Variants in PREX1 observed in about 807,000 individuals in gnomAD.
PREX1 encodes the protein phosphatidylinositol 3,4,5-trisphosphate-dependent Rac exchanger 1 protein.
PREX1 carries 41 observed loss-of-function variants against 198.3 expected under a neutral mutation model. The ratio of observed to expected loss-of-function variants is 0.21; its 90% CI spans 0.16 to 0.27. The LOEUF (loss-of-function observed/expected upper bound fraction) is 0.27. PREX1 is among the 10% of genes least tolerant of loss of function. PREX1 has a pLI of 1.00. For missense variants in PREX1, 1,620 were observed against 2,200.7 expected, an observed-to-expected ratio of 0.74 and a Z score of 5.28; for synonymous variants, 843 against 887.2, an observed-to-expected ratio of 0.95 and a Z score of 0.89.
chr20:48,716,294 C>T (rs746043954), intron 5 of PREX1, among the ~76,000 whole-genome samples: 5 of 152,216 alleles, frequency 3.3e-5, no homozygotes, highest in Non-Finnish European at 5.9e-5. Context: ...GATGCCTCAC[C>T]TCCCTCTCGC....
At position 48,651,436 on chromosome 20, in the gene PREX1, T is replaced by C. The variant is rs1447716919; in HGVS notation, c.2615A>G (p.Lys872Arg). Residue 872 changes from lysine to arginine, a missense_variant, in exon 22 of 40, where the codon AAG (lysine) becomes AGG (arginine). By Grantham distance (26) the Lys-to-Arg change is conservative. Coordinates refer to ENST00000371941, the MANE Select transcript of PREX1 (RefSeq NM_020820.4). ...TAGVRCHVLE[K>R]IVEPRGCFGL... ...GAAGCAGCCGCGGGGCTCCACGATC[T>C]TCTCCAGCACATGGCACCTGACGCC... is the stretch of plus-strand genomic sequence containing the variant. The C allele has an allele frequency of 6.2e-7, 1 of 1,613,146 alleles. No individual in the cohort carries two copies. Among genetic ancestry groups the C allele is most frequent in the Admixed American group, 1.7e-5 (1 of 60,002 alleles).
intron 1 of PREX1, among the ~76,000 whole-genome samples, chr20:48,773,601 G>A (rs892200801): frequency 6.6e-6 from 1 of 152,198 alleles, no homozygotes; most frequent in Non-Finnish European, 1.5e-5. Context: ...CAGACAGCAG[G>A]AATACCACCT....
At position 48,639,795 on chromosome 20, in the gene PREX1, A is replaced by G. The variant is rs771026859; in HGVS notation, c.3875T>C (p.Leu1292Pro). Residue 1292 changes from leucine (L) to proline (P), a missense_variant, in exon 30 of 40, where the codon CTG becomes CCG. Coordinates refer to ENST00000371941, the MANE Select transcript of PREX1 (RefSeq NM_020820.4). Reference protein sequence around the residue: ...PWNLPNSIKTLVDNIQRYVED... With the variant: ...PWNLPNSIKTPVDNIQRYVED... The stretch of plus-strand genomic sequence containing the variant: ...CACATATCTCTGAATGTTGTCCACC[A>G]GGGTCTTGATGGAGTTGGGGAGGTT... 1.2e-6 allele frequency: 2 copies of G among 1,614,040 alleles called. No individual in the cohort carries two copies. Among genetic ancestry groups the G allele is most frequent in the Non-Finnish European group, 1.7e-6 (2 of 1,179,974 alleles).
chr20:48,698,074 T>A (rs1244017830), intron 7 of PREX1, among the ~76,000 whole-genome samples: 1 of 152,138 alleles, frequency 6.6e-6, no homozygotes, highest in East Asian at 1.9e-4. Context: ...TGGCTCTCCA[T>A]CCAGAGGCAG....
chr20:48,730,246 C>G (rs1413451880), intron 4 of PREX1, among the ~76,000 whole-genome samples: 1 of 152,050 alleles, frequency 6.6e-6, no homozygotes, highest in Non-Finnish European at 1.5e-5. Context: ...TAAAGGGGGG[C>G]CTTTCACCAT....
At chr20:48,839,570 G>A in the PREX1 span, among the ~76,000 whole-genome samples, 1 of 152,148 alleles carries the variant, frequency 6.6e-6, no homozygotes, top group Non-Finnish European at 1.5e-5. Flanking sequence ...GTTGCTCTTT[G>A]TAGATACAAC....
At chr20:48,727,064 G>A (rs1398019146) in intron 4 of PREX1, among the ~76,000 whole-genome samples, 1 of 152,216 alleles carries the variant, frequency 6.6e-6, no homozygotes, top group Non-Finnish European at 1.5e-5. Context: ...ACTATGCGCT[G>A]TTTATGGAGA....
intron 39 of PREX1, among the ~76,000 whole-genome samples, chr20:48,627,165 T>A (rs1441738886): frequency 7.2e-6 from 1 of 139,236 alleles, no homozygotes; most frequent in Non-Finnish European, 1.5e-5. Context: ...CACCCCAGGT[T>A]AAAGCGAGCC....
chr20:48,792,757 G>T (rs1221632557), intron 1 of PREX1, among the ~76,000 whole-genome samples: 1 of 138,846 alleles, frequency 7.2e-6, no homozygotes, highest in East Asian at 2.2e-4. Context: ...CCATAAAAAA[G>T]GAATGAAATT....
At chr20:48,634,842 T>C (rs962522293) in intron 32 of PREX1, 67 bp from the exon 33 acceptor site, 78 of 1,431,662 alleles carry the variant, frequency 5.4e-5, no homozygotes, top group Non-Finnish European at 7.6e-5. Context: ...CCTATCAAGA[T>C]GCTGAATTCA....
intron 19 of PREX1, 148 bp downstream of exon 19, chr20:48,655,142 G>C (rs977660617): frequency 2.4e-6 from 2 of 844,404 alleles, no homozygotes; most frequent in Non-Finnish European, 3.6e-6. Context: ...ATTTGTGTTT[G>C]CAAGTCTTGG....
the PREX1 span, among the ~76,000 whole-genome samples, chr20:48,876,803 C>T: frequency 6.6e-6 from 1 of 152,138 alleles, no homozygotes; most frequent in Non-Finnish European, 1.5e-5. Context: ...GGGTCTTTAT[C>T]TATTTCCATC....
At chr20:48,713,751 A>G (rs371981281) in intron 5 of PREX1, among the ~76,000 whole-genome samples, 25 of 128,150 alleles carry the variant, frequency 2.0e-4, no homozygotes, top group African/African-American at 8.9e-4. Flanking sequence ...CTCTTTTAAA[A>G]AAAAAAAAGA....
At chr20:48,887,792 A>G in the PREX1 span, among the ~76,000 whole-genome samples, 1 of 151,994 alleles carries the variant, frequency 6.6e-6, no homozygotes, top group Non-Finnish European at 1.5e-5. Flanking sequence ...TAAAAATACT[A>G]AAACAAAATT....
intron 1 of PREX1, among the ~76,000 whole-genome samples, chr20:48,803,333 T>A (rs2090395892): frequency 6.6e-6 from 1 of 151,580 alleles, no homozygotes; most frequent in Non-Finnish European, 1.5e-5. Context: ...TCCAAGAAGC[T>A]CAGAGCCAGC....
chr20:48,846,423 T>C, the PREX1 span, among the ~76,000 whole-genome samples: 2 of 152,080 alleles, frequency 1.3e-5, no homozygotes, highest in South Asian at 4.1e-4. Flanking sequence ...CAGCCCACCT[T>C]ATATTAATAG....
intron 4 of PREX1, among the ~76,000 whole-genome samples, chr20:48,729,221 T>G (rs2090023260): frequency 1.3e-5 from 2 of 152,074 alleles, no homozygotes; most frequent in Non-Finnish European, 2.9e-5. Flanking sequence ...GGATTACAGG[T>G]GCACACCACC....
the PREX1 span, among the ~76,000 whole-genome samples, chr20:48,873,112 AGCTCTGATCTACCCT>A: frequency 3.9e-5 from 6 of 152,176 alleles, no homozygotes; most frequent in Admixed American, 3.3e-4. Flanking sequence ...CATTGGACTC[AGCTCTGATCTACCCT>A]GCGTGTCACT....
At chr20:48,712,536 T>C (rs2089936707) in intron 5 of PREX1, among the ~76,000 whole-genome samples, 1 of 152,216 alleles carries the variant, frequency 6.6e-6, no homozygotes, top group Non-Finnish European at 1.5e-5. Flanking sequence ...AGTGGTTCCC[T>C]GTGGGGCTGC....
Sources: allele counts gnomAD v4.1 joint callset (sites outside exome capture counted in the v4.1 genomes callset), GRCh38; gene constraint gnomAD v4.1.1; transcripts MANE v1.5; gene names NCBI Gene and HGNC (gene_info 2026-07-23, HGNC 2026-07-21).